CNTN5: variants seen among roughly 807,000 people sequenced by gnomAD.
CNTN5 encodes the protein contactin 5.
A neutral mutation model predicts 129.1 loss-of-function variants in CNTN5; 77 were observed. The observed-to-expected ratio is 0.60, with a 90% CI of 0.50 to 0.72. The LOEUF (loss-of-function observed/expected upper bound fraction) is 0.72, where lower values mean the gene tolerates loss of function less well. Ranked by LOEUF, CNTN5 falls within the 30% of genes least tolerant of loss-of-function variation. The pLI is 0.00. For missense variants in CNTN5, 1,478 were observed against 1,328.8 expected, an observed-to-expected ratio of 1.11 and a Z score of -1.75; for synonymous variants, 509 against 465.6, an observed-to-expected ratio of 1.09 and a Z score of -1.20.
chr11:100,171,892 G>A (rs558490320), intron 13 of CNTN5, among the ~76,000 whole-genome samples: 221 of 152,022 alleles, frequency 1.5e-3, no homozygotes, highest in African/African-American at 4.9e-3. Flanking sequence ...TTATAAATAC[G>A]TTGGTTTATA....
intron 3 of CNTN5, among the ~76,000 whole-genome samples, chr11:99,783,798 T>G (rs1472423165): frequency 6.6e-6 from 1 of 150,702 alleles, no homozygotes; most frequent in Non-Finnish European, 1.5e-5. Flanking sequence ...GGAAGGGGAA[T>G]ATCACACTCT....
intron 8 of CNTN5, among the ~76,000 whole-genome samples, chr11:99,994,059 T>C (rs557659390): frequency 2.0e-5 from 3 of 152,176 alleles, no homozygotes; most frequent in African/African-American, 7.2e-5. Flanking sequence ...CCTTTGGCCA[T>C]AATGGAAATT....
Position 99,171,287 on chromosome 11 carries a change from TAGAG to T in CNTN5, c.-210+150020_-210+150023del, listed in dbSNP as rs576529892. ...TACTAGACCACACACAAAATTTGCA[TAGAG>T]AGTGATGTCAAAATTTGTATGTACA... On this transcript the variant is annotated intron_variant, in intron 1 of 24. Coordinates refer to ENST00000524871, the MANE Select transcript of CNTN5 (RefSeq NM_014361.4). Among the ~76,000 whole-genome samples, 160 of 152,312 alleles carry T rather than the reference TAGAG, an allele frequency of 1.1e-3. 1 individual carries two copies. The highest frequency in any genetic ancestry group is 1.5e-3 in the Non-Finnish European group (104 of 68,020).
At chr11:99,279,775 A>G (rs1333783908) in intron 1 of CNTN5, among the ~76,000 whole-genome samples, 1 of 151,718 alleles carries the variant, frequency 6.6e-6, no homozygotes, top group Non-Finnish European at 1.5e-5. Context: ...AATCTCCACG[A>G]TAATATTGTG....
intron 9 of CNTN5, among the ~76,000 whole-genome samples, chr11:100,040,409 G>A (rs377601558): frequency 5.3e-5 from 8 of 152,308 alleles, no homozygotes; most frequent in African/African-American, 1.2e-4. Context: ...TAGGCTACTC[G>A]GGGGTCATGG....
intron 2 of CNTN5, among the ~76,000 whole-genome samples, chr11:99,408,969 G>T (rs1463480705): frequency 1.3e-5 from 2 of 151,954 alleles, no homozygotes; most frequent in African/African-American, 4.8e-5. Context: ...TTCTCTCTTG[G>T]TGAAACATCA....
intron 2 of CNTN5, among the ~76,000 whole-genome samples, chr11:99,423,927 G>A (rs186740506): frequency 6.6e-6 from 1 of 152,140 alleles, no homozygotes; most frequent in Non-Finnish European, 1.5e-5. Context: ...AGGACGTTTA[G>A]GTTTGAATGA....
At chr11:99,463,058 A>T (rs1371232194) in intron 2 of CNTN5, among the ~76,000 whole-genome samples, 1 of 151,552 alleles carries the variant, frequency 6.6e-6, no homozygotes, top group African/African-American at 2.4e-5. Flanking sequence ...CAGTGAGCAG[A>T]TATCACGCCA....
At chr11:100,052,508 G>A (rs781248187) in intron 9 of CNTN5, among the ~76,000 whole-genome samples, 6 of 151,640 alleles carry the variant, frequency 4.0e-5, no homozygotes, top group South Asian at 2.1e-4. Context: ...AACAAAATAC[G>A]CAGAAGACCT....
At chr11:99,643,481 T>C (rs1185558964) in intron 3 of CNTN5, among the ~76,000 whole-genome samples, 1 of 152,214 alleles carries the variant, frequency 6.6e-6, no homozygotes, top group Non-Finnish European at 1.5e-5. Flanking sequence ...TTTTTATATC[T>C]ATAAATAAGG....
At chr11:99,269,621 T>A (rs1054180770) in intron 1 of CNTN5, among the ~76,000 whole-genome samples, 1 of 151,898 alleles carries the variant, frequency 6.6e-6, no homozygotes, top group Non-Finnish European at 1.5e-5. Context: ...TCCAGAGATA[T>A]CTTATATTAA....
At chr11:100,256,139 T>C (rs1353461586) in intron 17 of CNTN5, among the ~76,000 whole-genome samples, 3 of 152,222 alleles carry the variant, frequency 2.0e-5, no homozygotes, top group Admixed American at 6.5e-5. Context: ...CATGTTGGCT[T>C]ATTTGTTTGT....
At chr11:99,201,183 C>G (rs1859163761) in intron 1 of CNTN5, among the ~76,000 whole-genome samples, 1 of 151,776 alleles carries the variant, frequency 6.6e-6, no homozygotes, top group Non-Finnish European at 1.5e-5. Flanking sequence ...CGCCACCATG[C>G]CAGGCTAACT....
intron 3 of CNTN5, among the ~76,000 whole-genome samples, chr11:99,706,968 A>C (rs1313424176): frequency 2.0e-5 from 3 of 151,354 alleles, no homozygotes; most frequent in African/African-American, 4.8e-5. Flanking sequence ...GACTATGGCT[A>C]ATCACATTCC....
intron 2 of CNTN5, among the ~76,000 whole-genome samples, chr11:99,330,439 G>C (rs1365484628): frequency 6.6e-6 from 1 of 152,130 alleles, no homozygotes; most frequent in Non-Finnish European, 1.5e-5. Context: ...GGAATAAAAA[G>C]AGATCTCATA....
At chr11:100,002,436 T>C (rs1440896619) in intron 9 of CNTN5, among the ~76,000 whole-genome samples, 1 of 152,154 alleles carries the variant, frequency 6.6e-6, no homozygotes, top group Non-Finnish European at 1.5e-5. Context: ...ATCTTTAAAT[T>C]TCATTCAGTC....
intron 1 of CNTN5, among the ~76,000 whole-genome samples, chr11:99,029,626 G>C (rs2135082175): frequency 6.6e-6 from 1 of 152,118 alleles, no homozygotes; most frequent in Non-Finnish European, 1.5e-5. Context: ...GAAAACAGTA[G>C]GAAAGCTAAT....
chr11:99,957,095 T>C, intron 8 of CNTN5, 86 bp downstream of exon 8: 1 of 1,141,392 alleles, frequency 8.8e-7, no homozygotes, highest in Non-Finnish European at 1.2e-6. Context: ...TTTTAAGACC[T>C]GGAACTTACA....
chr11:100,162,815 G>A (rs1013724349), intron 13 of CNTN5, among the ~76,000 whole-genome samples: 1 of 151,666 alleles, frequency 6.6e-6, no homozygotes, highest in Non-Finnish European at 1.5e-5. Context: ...TATATTTCTT[G>A]GTAACTGCCT....
Sources: gnomAD v4.1 joint callset for allele counts (sites outside exome capture counted in the v4.1 genomes callset) on GRCh38, gnomAD v4.1.1 for gene constraint, MANE v1.5 for transcripts, NCBI Gene and HGNC (gene_info 2026-07-23, HGNC 2026-07-21) for gene names.